The following WDR41 variants were observed in gnomAD, a reference collection of about 807,000 sequenced individuals.
The protein encoded by WDR41 is WD repeat domain 41.
A neutral mutation model predicts 69.3 loss-of-function variants in WDR41; 63 were observed. The ratio of observed to expected loss-of-function variants is 0.91; its 90% CI spans 0.74 to 1.12. WDR41 has a LOEUF of 1.12. Ranked by LOEUF, WDR41 falls within the 50% of genes most tolerant of loss-of-function variation. The pLI, the probability that WDR41 is intolerant of heterozygous loss-of-function variation, is 0.00. For missense variants in WDR41, 543 were observed against 534.5 expected, an observed-to-expected ratio of 1.02 and a Z score of -0.16; for synonymous variants, 185 against 192.1, an observed-to-expected ratio of 0.96 and a Z score of 0.31.
chr5:77,462,409 CAAAAAAAAAA>C (rs10670808), intron 4 of WDR41, among the ~76,000 whole-genome samples: 1 of 102,446 alleles, frequency 9.8e-6, no homozygotes, highest in Non-Finnish European at 2.0e-5. Context: ...AACTCCGTCT[CAAAAAAAAAA>C]AAAAAAAAGA....
intron 7 of WDR41, among the ~76,000 whole-genome samples, chr5:77,450,932 G>A (rs899669652): frequency 1.3e-5 from 2 of 152,200 alleles, no homozygotes; most frequent in African/African-American, 4.8e-5. Context: ...TTCAAACTGT[G>A]GTTGTCAAAA....
At chr5:77,471,902 G>C (rs1581736669) in intron 2 of WDR41, among the ~76,000 whole-genome samples, 1 of 152,192 alleles carries the variant, frequency 6.6e-6, no homozygotes, top group Non-Finnish European at 1.5e-5. Flanking sequence ...AACAGAAAAA[G>C]AGGGAATCCT....
At chr5:77,497,233 GA>G (rs1033725856), upstream of WDR41, among the ~76,000 whole-genome samples, 7 of 151,696 alleles carry the variant, frequency 4.6e-5, no homozygotes, top group Non-Finnish European at 1.0e-4. Context: ...GGCAACAAAA[GA>G]AAAAATAAAC....
At chr5:77,498,159 T>C (rs1395437098) in intron 1 of WDR41, among the ~76,000 whole-genome samples, 1 of 152,180 alleles carries the variant, frequency 6.6e-6, no homozygotes, top group Non-Finnish European at 1.5e-5. Flanking sequence ...AACATTTGTA[T>C]ATAGTGGTGA....
chr5:77,437,666 T>C (rs764349233), intron 10 of WDR41, among the ~76,000 whole-genome samples: 1 of 152,214 alleles, frequency 6.6e-6, no homozygotes, highest in Non-Finnish European at 1.5e-5. Flanking sequence ...TTTAAAAAAA[T>C]GCCCTTGGGA....
chr5:77,506,997 G>A (rs1410838081), intron 1 of WDR41, among the ~76,000 whole-genome samples: 1 of 152,096 alleles, frequency 6.6e-6, no homozygotes, highest in Non-Finnish European at 1.5e-5. Flanking sequence ...TATCAAACCT[G>A]CACGTTGTGC....
intron 1 of WDR41, among the ~76,000 whole-genome samples, chr5:77,502,177 T>C (rs1802026143): frequency 6.6e-6 from 1 of 152,106 alleles, no homozygotes; most frequent in Non-Finnish European, 1.5e-5. Flanking sequence ...AGATCTTAAA[T>C]GACCTGATGG....
At chr5:77,459,678 T>G (rs1037747748) in intron 4 of WDR41, among the ~76,000 whole-genome samples, 18 of 152,170 alleles carry the variant, frequency 1.2e-4, no homozygotes, top group African/African-American at 4.3e-4. Context: ...TTTCAAACTT[T>G]TACACCATTT....
chr5:77,472,221 C>T (rs1800657472), intron 2 of WDR41, among the ~76,000 whole-genome samples: 1 of 152,172 alleles, frequency 6.6e-6, no homozygotes, highest in African/African-American at 2.4e-5. Flanking sequence ...CAAAATTCAA[C>T]AACTCTTCAT....
intron 1 of WDR41, among the ~76,000 whole-genome samples, chr5:77,534,049 A>C (rs981291349): frequency 6.6e-6 from 1 of 152,164 alleles, no homozygotes; most frequent in Non-Finnish European, 1.5e-5. Flanking sequence ...TTAACCTATA[A>C]AATACAATGT....
chr5:77,562,690 G>C (rs900480407), intron 1 of WDR41, among the ~76,000 whole-genome samples: 1 of 152,164 alleles, frequency 6.6e-6, no homozygotes. Context: ...ATATTGGCTA[G>C]GCATCTTGAC....
chr5:77,465,948 G>T (rs947976661), intron 2 of WDR41, among the ~76,000 whole-genome samples: 1 of 151,952 alleles, frequency 6.6e-6, no homozygotes, highest in South Asian at 2.1e-4. Context: ...CAGTTTCAAA[G>T]TTCAGTGCCT....
intron 1 of WDR41, among the ~76,000 whole-genome samples, chr5:77,550,983 T>C (rs971772822): frequency 6.6e-6 from 1 of 152,124 alleles, no homozygotes; most frequent in African/African-American, 2.4e-5. Context: ...TTCTCACTTA[T>C]AAGTGGGAGC....
chr5:77,478,979 C>G lies in WDR41; in HGVS notation c.167+10478G>C, dbSNP rs558895742. On this transcript the variant is annotated intron_variant, in intron 2 of 12. Transcript: ENST00000296679. ...AGCTGATAAGCAACTTCAGCAAAGT[C>G]TCAGGATACAAAATCAATGTGCAAA... 3.7e-3 allele frequency among the ~76,000 whole-genome samples: 556 copies of G among 151,850 alleles called. 5 individuals are homozygous for G. Among genetic ancestry groups the G allele is most frequent in the African/African-American group, 0.013 (538 of 41,370 alleles).
chr5:77,564,793 T>C (rs1293962781), intron 1 of WDR41, among the ~76,000 whole-genome samples: 1 of 152,154 alleles, frequency 6.6e-6, no homozygotes, highest in Non-Finnish European at 1.5e-5. Context: ...ACCTGCAGAA[T>C]ATGCACTGTT....
At chr5:77,462,282 G>C (rs960825508) in intron 4 of WDR41, among the ~76,000 whole-genome samples, 5 of 151,760 alleles carry the variant, frequency 3.3e-5, no homozygotes, top group Non-Finnish European at 5.9e-5. Context: ...GGTGGCACAG[G>C]CCTGTAATCC....
intron 1 of WDR41, among the ~76,000 whole-genome samples, chr5:77,558,094 T>TTAAAAAAAAAAAAAAAA (rs1554036365): frequency 3.8e-5 from 4 of 104,302 alleles, no homozygotes; most frequent in African/African-American, 1.4e-4. Flanking sequence ...ATGTTCTTTT[T>TTAAAAAAAAAAAAAAAA]AAAAAAAAAA....
intron 1 of WDR41, among the ~76,000 whole-genome samples, chr5:77,587,471 G>A (rs559385121): frequency 2.2e-4 from 34 of 152,264 alleles, no homozygotes; most frequent in African/African-American, 5.8e-4. Context: ...CCAGCAGTAC[G>A]ACAGTTCCCA....
At chr5:77,592,549 A>G (rs1249954138) in intron 1 of WDR41, among the ~76,000 whole-genome samples, 1 of 152,304 alleles carries the variant, frequency 6.6e-6, no homozygotes, top group Middle Eastern at 3.4e-3. Flanking sequence ...AAAAGCTGTT[A>G]TACTCACCAT....
Sources: allele counts gnomAD v4.1 joint callset (sites outside exome capture counted in the v4.1 genomes callset), GRCh38; gene constraint gnomAD v4.1.1; transcripts MANE v1.5; gene names NCBI Gene and HGNC (gene_info 2026-07-23, HGNC 2026-07-21).